Variants in FBXL16 observed in about 807,000 individuals in gnomAD.
FBXL16 encodes the protein F-box and leucine rich repeat protein 16, also known as F-box/LRR-repeat protein 16.
FBXL16 carries 7 observed loss-of-function variants against 36.7 expected under a neutral mutation model. The ratio of observed to expected loss-of-function variants is 0.19; its 90% CI spans 0.11 to 0.36. The LOEUF is 0.36. FBXL16 is among the 10% of genes least tolerant of loss of function. The probability of loss-of-function intolerance (pLI) is 1.00; values close to 1 mark genes in which losing one functional copy is unlikely to be tolerated. For synonymous variants in FBXL16, 355 were observed against 308.7 expected (o/e 1.15, Z -1.57); for missense variants, 463 against 659.4 (o/e 0.70, Z 3.26).
rs766598166 is a variant in FBXL16, at chr16:693,273, A to G, written c.*1002T>C. On this transcript the variant is annotated 3_prime_UTR_variant, in exon 6 of 6. Transcript: ENST00000397621. ...GATTGGAGTCGCTGACCCAGTGCTG[A>G]CCCTGACCCTTGGCTGGGTCCACTC... 1 of 152,180 alleles carries G rather than the reference A, an allele frequency of 6.6e-6. No homozygotes were observed. Among genetic ancestry groups the G allele is most frequent in the South Asian group, 2.1e-4 (1 of 4,820 alleles). The allele number at this position is 152,180 out of a possible 1,614,324, so 9.4% of individuals were successfully genotyped here. A position where few individuals can be genotyped will look rare whatever the true frequency, so the allele number is the denominator to read the frequency against.
At chr16:702,405 G>T (rs544354101) in intron 1 of FBXL16, among the ~76,000 whole-genome samples, 1 of 152,192 alleles carries the variant, frequency 6.6e-6, no homozygotes, top group Admixed American at 6.5e-5. Context: ...CCAGGGTCTT[G>T]CAATCACATG....
At chr16:698,273 G>C (rs1360664744) in intron 1 of FBXL16, among the ~76,000 whole-genome samples, 3 of 152,172 alleles carry the variant, frequency 2.0e-5, no homozygotes, top group Non-Finnish European at 4.4e-5. Flanking sequence ...AAAGTCCTGG[G>C]ATTATGGGAA....
At position 697,515 on chromosome 16, in the gene FBXL16, C is replaced by T. The variant is rs1027290560; in HGVS notation, c.-14-96G>A. 80 of 1,413,250 alleles carry T rather than the reference C, an allele frequency of 5.7e-5. No homozygotes were observed. Among genetic ancestry groups the T allele is most frequent in the Admixed American group, 3.0e-4 (12 of 39,830 alleles). The allele number at this position is 1,413,250 out of a possible 1,614,324, so 87.5% of individuals were successfully genotyped here. A position where few individuals can be genotyped will look rare whatever the true frequency, so the allele number is the denominator to read the frequency against. On this transcript the variant is annotated intron_variant, in intron 1 of 5. Coordinates refer to ENST00000397621, the MANE Select transcript of FBXL16 (RefSeq NM_153350.4). The surrounding 1 kb of genome is among the most constrained non-coding windows in gnomAD (Gnocchi z 4.6). ...CAGTGGGGCTCCTTCCCTCCTTGGG[C>T]GTCCCTATGGTGCTCCCAGAACCAC...
intron 1 of FBXL16, among the ~76,000 whole-genome samples, chr16:705,030 C>A (rs139120487): frequency 0.011 from 1,729 of 152,336 alleles, 18 homozygotes; most frequent in Non-Finnish European, 0.018. Flanking sequence ...CCCCCACCCT[C>A]CTCCTCCCGC....
chr16:701,340 C>T (rs1395799850), intron 1 of FBXL16, among the ~76,000 whole-genome samples: 1 of 152,204 alleles, frequency 6.6e-6, no homozygotes, highest in East Asian at 1.9e-4. Flanking sequence ...GGAGCTGCAT[C>T]CCCGCACAGG....
rs964837042 is a variant in FBXL16 at position 694,118 on chromosome 16, C to G, written c.*157G>C. ...CTGGGAGGGCGGAGGGACCGAAGGT[C>G]GGGGAGGGGCTTTCCCTCGGCTCGC... On this transcript the variant is annotated 3_prime_UTR_variant, in exon 6 of 6. Coordinates refer to ENST00000397621, the MANE Select transcript of FBXL16 (RefSeq NM_153350.4). The G allele has an allele frequency of 7.1e-5, 28 of 396,262 alleles. No homozygotes were observed. Among genetic ancestry groups the G allele is most frequent in the Non-Finnish European group, 1.2e-4 (28 of 239,760 alleles). The allele number at this position is 396,262 out of a possible 1,614,324, so 24.5% of individuals were successfully genotyped here. A position where few individuals can be genotyped will look rare whatever the true frequency, so the allele number is the denominator to read the frequency against.
chr16:701,604 G>A (rs1333688122), intron 1 of FBXL16, among the ~76,000 whole-genome samples: 9 of 141,654 alleles, frequency 6.4e-5, no homozygotes, highest in East Asian at 4.9e-4. Context: ...CCCTGGGCCC[G>A]GCCCCACCCA....
intron 1 of FBXL16, among the ~76,000 whole-genome samples, chr16:701,930 T>G (rs2040060373): frequency 6.6e-6 from 1 of 152,136 alleles, no homozygotes; most frequent in South Asian, 2.1e-4. Context: ...CTCAGCTGTC[T>G]TGTCCTCAGC....
intron 2 of FBXL16, among the ~76,000 whole-genome samples, chr16:696,246 T>TTC (rs2040010588): frequency 1.3e-5 from 2 of 150,564 alleles, no homozygotes; most frequent in African/African-American, 2.4e-5. Flanking sequence ...TTTATTTATT[T>TTC]ATTCATTCAT....
At chr16:698,385 G>A (rs2040030990) in intron 1 of FBXL16, among the ~76,000 whole-genome samples, 1 of 152,234 alleles carries the variant, frequency 6.6e-6, no homozygotes, top group Non-Finnish European at 1.5e-5. Context: ...ATTTTACAGA[G>A]AAGAAAATGG....
Position 697,285 on chromosome 16 carries a change from C to A in FBXL16, c.121G>T (p.Ala41Ser). The A allele has an allele frequency of 6.6e-7, 1 of 1,525,868 alleles. No homozygotes were observed. Among genetic ancestry groups the A allele is most frequent in the Non-Finnish European group, 8.8e-7 (1 of 1,141,746 alleles). 94.5% of individuals were successfully genotyped at this position (1,525,868 alleles called of 1,614,324 possible). The change falls in exon 2 of 6, where the codon GCC becomes TCC. Residue 41 changes from alanine to serine, a missense_variant. By Grantham distance (99) the Ala-to-Ser change is moderately conservative. Around this residue, in one of 3 missense-constraint regions of FBXL16, gnomAD observed 263 missense variants for 341.1 expected, o/e 0.77. Coordinates refer to ENST00000397621, the MANE Select transcript of FBXL16 (RefSeq NM_153350.4). The surrounding 1 kb of genome is among the most constrained non-coding windows in gnomAD (Gnocchi z 4.6). The part of the protein sequence containing the change: ...GAASITKGTP[A>S]TKNRPCQPPP... The stretch of plus-strand genomic sequence containing the variant: ...GGCTGGCAGGGGCGGTTCTTGGTGG[C>A]TGGCGTGCCCTTGGTGATGCTGGCC...
chr16:702,115 G>T (rs1171133412), intron 1 of FBXL16, among the ~76,000 whole-genome samples: 2 of 152,162 alleles, frequency 1.3e-5, no homozygotes, highest in Non-Finnish European at 2.9e-5. Flanking sequence ...ACCATTCCCA[G>T]ACGGCCATGT....
At chr16:701,905 G>C (rs557475095) in intron 1 of FBXL16, among the ~76,000 whole-genome samples, 1 of 152,338 alleles carries the variant, frequency 6.6e-6, no homozygotes, top group South Asian at 2.1e-4. Context: ...GGGAAAGAGA[G>C]AGAGGTGGCC....
In FBXL16 at chr16:694,072, G is replaced by T; in HGVS notation, c.*203C>A. 3.8e-6 allele frequency: 1 copy of T among 260,638 alleles called. No individual in the cohort carries two copies. 16.1% of individuals were successfully genotyped at this position (260,638 alleles called of 1,614,324 possible). The stretch of plus-strand genomic sequence containing the variant: ...CGTGCGTGGGGCGGGCCCACCCGCC[G>T]CCCCCCTGCCCGGGGCGGGGCTGGG... On this transcript the variant is annotated 3_prime_UTR_variant, in exon 6 of 6. Transcript: ENST00000397621.
rs1381656487 is a variant in FBXL16, at chr16:705,745, G to T, written c.-248C>A. On this transcript the variant is annotated 5_prime_UTR_variant, in exon 1 of 6. Coordinates refer to ENST00000397621, the MANE Select transcript of FBXL16 (RefSeq NM_153350.4). Reference sequence around the variant, plus strand: ...CCCCAAGCCTCCCACCGGGGAGGCTGAGGCTGTGCCCAGATAAATAAGGCC... The same window carrying T: ...CCCCAAGCCTCCCACCGGGGAGGCTTAGGCTGTGCCCAGATAAATAAGGCC... The T allele has an allele frequency of 6.7e-6, 1 of 148,850 alleles. No individual in the cohort carries two copies. Among genetic ancestry groups the T allele is most frequent in the Non-Finnish European group, 1.5e-5 (1 of 66,788 alleles). The allele number at this position is 148,850 out of a possible 1,614,324, so 9.2% of individuals were successfully genotyped here.
intron 5 of FBXL16, 27 bp downstream of exon 5, chr16:694,607 G>A: frequency 1.9e-6 from 3 of 1,600,330 alleles, no homozygotes; most frequent in Non-Finnish European, 2.6e-6. Context: ...GTCACTGCCA[G>A]CGTCAGAGCA....
chr16:698,124 C>T (rs1285725881), intron 1 of FBXL16, among the ~76,000 whole-genome samples: 1 of 152,152 alleles, frequency 6.6e-6, no homozygotes, highest in East Asian at 1.9e-4. Context: ...CTGCCTCAGC[C>T]TCCCGTGTAG....
chr16:704,334 G>A (rs942376329), intron 1 of FBXL16, among the ~76,000 whole-genome samples: 2 of 152,296 alleles, frequency 1.3e-5, no homozygotes, highest in South Asian at 2.1e-4. Context: ...TGAGTCTGTC[G>A]ATGGAGGGGC....
In FBXL16 at chr16:701,369, A is replaced by G. The variant is rs868720600; in HGVS notation, c.-14-3950T>C. On this transcript the variant is annotated intron_variant, in intron 1 of 5. Transcript: ENST00000397621. ...GCACAGGCAGCCCCACTGCTCCCCA[A>G]TCTCGCGTCCACGTTCCTGCCGGCC... Among the ~76,000 whole-genome samples the G allele has an allele frequency of 2.0e-5, 3 of 151,840 alleles. 1 individual carries two copies. The South Asian group carries it at 6.2e-4, about 32-fold the overall frequency.
Sources: allele counts gnomAD v4.1 joint callset (sites outside exome capture counted in the v4.1 genomes callset), GRCh38; gene constraint gnomAD v4.1.1; regional missense constraint gnomAD v4.1.1; non-coding constraint Gnocchi (gnomAD v3.1); transcripts MANE v1.5; gene names NCBI Gene and HGNC (gene_info 2026-07-23, HGNC 2026-07-21).